Variants in USP40 observed in about 807,000 individuals in gnomAD.
USP40 encodes the protein ubiquitin carboxyl-terminal hydrolase 40.
Under a neutral mutation model 166.2 loss-of-function variants are expected in USP40, and 143 were observed. That is an observed-to-expected ratio of 0.86 (90% CI 0.75 to 0.99). The LOEUF (loss-of-function observed/expected upper bound fraction) is 0.99. Ranked by LOEUF, USP40 falls within the 50% of genes least tolerant of loss-of-function variation. The pLI is 0.00. For synonymous variants in USP40, 498 were observed against 524.0 expected (o/e 0.95, Z 0.68); for missense variants, 1,444 against 1,479.7 (o/e 0.98, Z 0.40).
intron 16 of USP40, among the ~76,000 whole-genome samples, chr2:233,522,531 CAG>C (rs1169047329): frequency 1.3e-5 from 2 of 152,298 alleles, no homozygotes; most frequent in African/African-American, 4.8e-5. Flanking sequence ...ACTGAGAAAA[CAG>C]GGAGCTTGAA....
chr2:233,512,380 T>C, intron 19 of USP40, 189 bp downstream of exon 19: 1 of 359,468 alleles, frequency 2.8e-6, no homozygotes, highest in Non-Finnish European at 5.1e-6. Flanking sequence ...GTGTTTCATT[T>C]AGAAAACAGA....
chr2:233,557,473 C>G (rs1449173232), intron 4 of USP40, among the ~76,000 whole-genome samples: 1 of 152,190 alleles, frequency 6.6e-6, no homozygotes, highest in Non-Finnish European at 1.5e-5. Flanking sequence ...ACAACTAAAA[C>G]AAGACTAACA....
intron 19 of USP40, chr2:233,512,213 A>T (rs72982320): frequency 2.9e-4 from 55 of 190,944 alleles, no homozygotes; most frequent in Admixed American, 5.9e-4. Flanking sequence ...TCTAATGGTA[A>T]GAGGTGATAC....
chr2:233,487,916 C>T (rs141676598), intron 28 of USP40: 76 of 564,686 alleles, frequency 1.3e-4, no homozygotes, highest in East Asian at 6.2e-4. Flanking sequence ...ATGATGAATC[C>T]GTTGGATGGC....
intron 30 of USP40, among the ~76,000 whole-genome samples, chr2:233,484,591 C>A (rs1442238171): frequency 1.3e-5 from 2 of 151,950 alleles, no homozygotes; most frequent in African/African-American, 2.4e-5. Context: ...TAGCGATCCT[C>A]CTACCTCAGC....
In USP40 at chr2:233,527,530, C is replaced by T; in HGVS notation, c.1602G>A (p.Leu534=). The change falls in exon 13 of 32, where the codon CTG becomes CTA. Residue 534 remains leucine, a synonymous_variant. Coordinates refer to ENST00000678225, the MANE Select transcript of USP40 (RefSeq NM_001365479.2). ...ANNTFELHLH[L]GPQYHFFNGA... is the part of the protein sequence containing the mutation. ...CATTGAAGAAATGATACTGAGGGCC[C>T]AGGTGAAGATGCAATTCAAAAGTAT... 4 of 1,612,882 alleles carry T rather than the reference C, an allele frequency of 2.5e-6. No homozygotes were observed. Among genetic ancestry groups the T allele is most frequent in the East Asian group, 2.2e-5 (1 of 44,850 alleles).
Position 233,493,558 on chromosome 2 carries a change from A to G in USP40, c.2791-7T>C. 6.2e-7 allele frequency: 1 copy of G among 1,609,330 alleles called. No homozygotes were observed. Among genetic ancestry groups the G allele is most frequent in the Non-Finnish European group, 8.5e-7 (1 of 1,177,548 alleles). On this transcript the variant is annotated splice_polypyrimidine_tract_variant and splice_region_variant and intron_variant, in intron 24 of 31. Transcript: ENST00000678225. This position sits in a 1 kb window ranked among gnomAD's most constrained non-coding sequence, Gnocchi z 4.7. Reference sequence around the variant, plus strand: ...TGGGCACCTTCAGGAAACCCTGAAGAATGGAGCATGTTTAACTGCTGTGAT... The same window carrying G: ...TGGGCACCTTCAGGAAACCCTGAAGGATGGAGCATGTTTAACTGCTGTGAT...
chr2:233,554,530 A>T lies in USP40; in HGVS notation c.547-4T>A, dbSNP rs1307864677. On this transcript the variant is annotated splice_polypyrimidine_tract_variant and splice_region_variant and intron_variant, in intron 5 of 31. Coordinates refer to ENST00000678225, the MANE Select transcript of USP40 (RefSeq NM_001365479.2). ...CTGTTAGATCTAAGAAGTCTTCCTG[A>T]AATAGACATGAATATAATATTGAAA... 9 of 1,600,094 alleles carry T rather than the reference A, an allele frequency of 5.6e-6. No individual in the cohort carries two copies. Among genetic ancestry groups the T allele is most frequent in the African/African-American group, 1.4e-5 (1 of 74,032 alleles).
intron 24 of USP40, among the ~76,000 whole-genome samples, chr2:233,494,281 T>C (rs2065523604): frequency 6.6e-6 from 1 of 152,204 alleles, no homozygotes; most frequent in South Asian, 2.1e-4. Context: ...CATTTTTTTT[T>C]TTCACCTAGC....
At chr2:233,522,085 A>C (rs2067697398) in intron 16 of USP40, among the ~76,000 whole-genome samples, 2 of 152,210 alleles carry the variant, frequency 1.3e-5, no homozygotes, top group African/African-American at 4.8e-5. Flanking sequence ...AGTTAGGCAA[A>C]CTATAATGTC....
chr2:233,489,634 A>G, intron 26 of USP40, 151 bp from the exon 27 acceptor site: 1 of 660,580 alleles, frequency 1.5e-6, no homozygotes, highest in Non-Finnish European at 2.6e-6. Flanking sequence ...AGTCACAGGA[A>G]TCTCTCTCTC....
chr2:233,532,290 T>G (rs984856550), intron 11 of USP40, among the ~76,000 whole-genome samples: 1 of 152,180 alleles, frequency 6.6e-6, no homozygotes, highest in Admixed American at 6.5e-5. Context: ...AAGTGTAACG[T>G]TGTAACTTCA....
intron 24 of USP40, among the ~76,000 whole-genome samples, chr2:233,495,240 T>C (rs916853965): frequency 6.6e-6 from 1 of 151,716 alleles, no homozygotes; most frequent in Non-Finnish European, 1.5e-5. Context: ...AATAATCTTT[T>C]GTGCAAATAA....
chr2:233,478,297 C>T (rs146663540), intron 31 of USP40, among the ~76,000 whole-genome samples: 1 of 152,314 alleles, frequency 6.6e-6, no homozygotes, highest in African/African-American at 2.4e-5. Context: ...CACACCCACA[C>T]ACAGGGGATG....
rs746882858 is a variant in USP40 at position 233,533,471 on chromosome 2, T to C, written c.1471+8A>G. ...CTGAAACAAATAGGAACATTTTTCTTTCCATACCTTCAGGGGGTCTCTGCA... is the reference window on the plus strand; with the variant it reads ...CTGAAACAAATAGGAACATTTTTCTCTCCATACCTTCAGGGGGTCTCTGCA... On this transcript the variant is annotated splice_region_variant and intron_variant, in intron 11 of 31. Coordinates refer to ENST00000678225, the MANE Select transcript of USP40 (RefSeq NM_001365479.2). 1.2e-6 allele frequency: 2 copies of C among 1,606,352 alleles called. No individual in the cohort carries two copies. The highest frequency in any genetic ancestry group is 1.7e-6 in the Non-Finnish European group (2 of 1,175,332).
intron 10 of USP40, among the ~76,000 whole-genome samples, chr2:233,535,610 A>G (rs2068876179): frequency 6.6e-6 from 1 of 152,174 alleles, no homozygotes; most frequent in Non-Finnish European, 1.5e-5. Flanking sequence ...CCAAAATTTA[A>G]CTTCCACAGA....
chr2:233,510,976 C>T (rs1559238590), intron 20 of USP40, among the ~76,000 whole-genome samples: 1 of 152,138 alleles, frequency 6.6e-6, no homozygotes, highest in Non-Finnish European at 1.5e-5. Context: ...GCTTGTCATG[C>T]ACTACTATTT....
At chr2:233,481,319 G>A (rs1436561075) in intron 30 of USP40, 22 bp from the exon 31 acceptor site, 6 of 1,569,270 alleles carry the variant, frequency 3.8e-6, no homozygotes, top group African/African-American at 2.7e-5. Flanking sequence ...AAGAAGTAAT[G>A]AGCAGTGTTT....
intron 17 of USP40, among the ~76,000 whole-genome samples, chr2:233,520,224 C>T (rs2067558305): frequency 6.6e-6 from 1 of 152,040 alleles, no homozygotes; most frequent in Admixed American, 6.6e-5. Flanking sequence ...CGATGTCAGA[C>T]AATCTGTCCT....
Sources: allele counts gnomAD v4.1 joint callset (sites outside exome capture counted in the v4.1 genomes callset), GRCh38; gene constraint gnomAD v4.1.1; non-coding constraint Gnocchi (gnomAD v3.1); transcripts MANE v1.5; gene names NCBI Gene and HGNC (gene_info 2026-07-23, HGNC 2026-07-21).